CENPP: variants seen among roughly 807,000 people sequenced by gnomAD.
The protein encoded by CENPP is centromere protein P.
A neutral mutation model predicts 35.6 loss-of-function variants in CENPP; 24 were observed. The ratio of observed to expected loss-of-function variants is 0.67; its 90% CI spans 0.49 to 0.95. CENPP has a LOEUF of 0.95. Among genes scored for constraint, CENPP ranks in the 40% least tolerant of loss-of-function variants. The pLI, the probability that CENPP is intolerant of heterozygous loss-of-function variation, is 0.00. For synonymous variants in CENPP, 120 were observed against 125.5 expected (o/e 0.96, Z 0.29); for missense variants, 332 against 345.3 (o/e 0.96, Z 0.31).
intron 5 of CENPP, chr9:92,385,764 A>G: frequency 1.2e-6 from 2 of 1,614,118 alleles, no homozygotes; most frequent in Non-Finnish European, 1.7e-6. Flanking sequence ...AGAATGTGTC[A>G]TCTGTAATTG....
At chr9:92,332,102 A>C in intron 1 of CENPP, 68 bp from the exon 2 acceptor site, 1 of 1,032,256 alleles carries the variant, frequency 9.7e-7, no homozygotes, top group Non-Finnish European at 1.4e-6. Context: ...TGCTTTGAGG[A>C]AAATGGGGTT....
chr9:92,430,267 G>T (rs1844072213), intron 5 of CENPP, among the ~76,000 whole-genome samples: 1 of 152,012 alleles, frequency 6.6e-6, no homozygotes, highest in African/African-American at 2.4e-5. Context: ...CTATTGTATT[G>T]TAGATCTTTT....
At chr9:92,474,667 AAAT>A in intron 5 of CENPP, 1 of 1,613,968 alleles carries the variant, frequency 6.2e-7, no homozygotes, top group South Asian at 1.1e-5. Context: ...ACTGACATCC[AAAT>A]GGACACATTG....
At chr9:92,582,503 CTG>C (rs1184673075) in intron 5 of CENPP, among the ~76,000 whole-genome samples, 1 of 151,980 alleles carries the variant, frequency 6.6e-6, no homozygotes, top group Admixed American at 6.6e-5. Context: ...AAGTGTAAAA[CTG>C]AAAAATTCAC....
chr9:92,484,286 C>T (rs539527083), intron 5 of CENPP, among the ~76,000 whole-genome samples: 1 of 152,334 alleles, frequency 6.6e-6, no homozygotes. Flanking sequence ...CAGAATCCCT[C>T]CTCTTACTCC....
At chr9:92,515,871 T>C (rs1452368287) in intron 5 of CENPP, among the ~76,000 whole-genome samples, 1 of 152,166 alleles carries the variant, frequency 6.6e-6, no homozygotes, top group African/African-American at 2.4e-5. Flanking sequence ...TGCTTTAACT[T>C]AGACATATGC....
intron 5 of CENPP, among the ~76,000 whole-genome samples, chr9:92,457,934 A>G (rs1239163401): frequency 6.6e-6 from 1 of 152,250 alleles, no homozygotes; most frequent in Non-Finnish European, 1.5e-5. Context: ...AACATTAGAA[A>G]TGATCAGAAG....
At chr9:92,478,962 C>T (rs1845813909) in intron 5 of CENPP, among the ~76,000 whole-genome samples, 1 of 152,174 alleles carries the variant, frequency 6.6e-6, no homozygotes, top group Non-Finnish European at 1.5e-5. Context: ...TCCTTGTGGC[C>T]TGGCAGCGGG....
rs989472364 is a variant in CENPP at position 92,613,256 on chromosome 9, C to T, written c.*107C>T. 35 of 1,342,080 alleles carry T rather than the reference C, an allele frequency of 2.6e-5. No homozygotes were observed. Among genetic ancestry groups the T allele is most frequent in the African/African-American group, 2.2e-4 (15 of 69,468 alleles). 83.1% of individuals were successfully genotyped at this position (1,342,080 alleles called of 1,614,324 possible). On this transcript the variant is annotated 3_prime_UTR_variant, in exon 8 of 8. Coordinates refer to ENST00000375587, the MANE Select transcript of CENPP (RefSeq NM_001012267.3). ...CTGCTTAGAAACCACACCCTGAAGA[C>T]GTGCTGTCTATGCAGTTATGGCACA...
intron 5 of CENPP, chr9:92,500,709 G>GA (rs1846620297): frequency 6.3e-7 from 1 of 1,591,914 alleles, no homozygotes. Flanking sequence ...ACAGATACTT[G>GA]AAAAAGCCAA....
chr9:92,444,990 A>G (rs1844515267), intron 5 of CENPP, among the ~76,000 whole-genome samples: 1 of 152,146 alleles, frequency 6.6e-6, no homozygotes, highest in Non-Finnish European at 1.5e-5. Context: ...GTTCAGGTCC[A>G]GCAGTTCCCC....
chr9:92,352,467 C>CTGTGTGTGTGTGTGTGTG (rs61233585), intron 4 of CENPP, among the ~76,000 whole-genome samples: 10 of 71,346 alleles, frequency 1.4e-4, no homozygotes, highest in South Asian at 4.3e-4. Context: ...TGCTTAAAGC[C>CTGTGTGTGTGTGTGTGTG]TGTGTGTGTG....
chr9:92,358,224 A>G (rs1841645175), intron 4 of CENPP, among the ~76,000 whole-genome samples: 1 of 148,234 alleles, frequency 6.7e-6, no homozygotes, highest in Non-Finnish European at 1.5e-5. Context: ...ACATGTCCCC[A>G]TGTCCCACAG....
chr9:92,397,087 G>A (rs971783427), intron 5 of CENPP, among the ~76,000 whole-genome samples: 1 of 151,946 alleles, frequency 6.6e-6, no homozygotes, highest in African/African-American at 2.4e-5. Flanking sequence ...TGAGGCAGGA[G>A]GATTGCTGGA....
chr9:92,597,080 G>C (rs1218768568), intron 5 of CENPP, among the ~76,000 whole-genome samples: 1 of 152,210 alleles, frequency 6.6e-6, no homozygotes, highest in Non-Finnish European at 1.5e-5. Flanking sequence ...TTTGAGCTTA[G>C]AGATGTTATC....
At chr9:92,470,996 T>A (rs1484035082) in intron 5 of CENPP, among the ~76,000 whole-genome samples, 3 of 152,196 alleles carry the variant, frequency 2.0e-5, no homozygotes, top group African/African-American at 7.2e-5. Flanking sequence ...TCTAGATTGG[T>A]ATAGTTGTCA....
At chr9:92,474,556 T>C (rs1455019297) in intron 5 of CENPP, 1 of 1,533,906 alleles carries the variant, frequency 6.5e-7, no homozygotes. Context: ...CAATGAGACT[T>C]TTTCCATCCT....
chr9:92,413,198 G>T (rs1390062143), intron 5 of CENPP, among the ~76,000 whole-genome samples: 1 of 151,900 alleles, frequency 6.6e-6, no homozygotes, highest in Non-Finnish European at 1.5e-5. Flanking sequence ...TGTTGGTCAG[G>T]CTGGTCTCAA....
intron 3 of CENPP, among the ~76,000 whole-genome samples, chr9:92,342,437 A>G (rs1480320467): frequency 6.6e-6 from 1 of 152,268 alleles, no homozygotes; most frequent in African/African-American, 2.4e-5. Flanking sequence ...GAGTCTCTAA[A>G]GAGACATGAG....
Sources: allele counts gnomAD v4.1 joint callset (sites outside exome capture counted in the v4.1 genomes callset), GRCh38; gene constraint gnomAD v4.1.1; transcripts MANE v1.5; gene names NCBI Gene and HGNC (gene_info 2026-07-23, HGNC 2026-07-21).